KLHL5: variants seen among roughly 807,000 people sequenced by gnomAD.
KLHL5 encodes the protein kelch like family member 5.
In KLHL5, 48 loss-of-function variants were observed where a neutral mutation model predicts 77.7. The ratio of observed to expected loss-of-function variants is 0.62; its 90% CI spans 0.49 to 0.79. The LOEUF is 0.79. KLHL5 is among the 30% of genes least tolerant of loss of function. KLHL5 has a pLI of 0.00. For missense variants in KLHL5, 723 were observed against 859.7 expected (o/e 0.84, Z 1.99); for synonymous variants, 260 against 297.0 (o/e 0.88, Z 1.28).
intron 5 of KLHL5, among the ~76,000 whole-genome samples, chr4:39,087,508 C>A (rs1039430722): frequency 1.3e-5 from 2 of 152,168 alleles, no homozygotes; most frequent in Non-Finnish European, 2.9e-5. Context: ...GTAGAGATAA[C>A]ATCTTCCCTG....
chr4:39,063,482 C>A, intron 1 of KLHL5: 3 of 356,870 alleles, frequency 8.4e-6, no homozygotes, highest in South Asian at 2.2e-5. Context: ...CAAAGAGATG[C>A]ACATTATAGT....
At chr4:39,109,986 C>T (rs1398173293) in intron 8 of KLHL5, among the ~76,000 whole-genome samples, 1 of 152,152 alleles carries the variant, frequency 6.6e-6, no homozygotes. Context: ...TTTCTTCCTA[C>T]CATGTTTGAC....
chr4:39,087,417 G>C (rs116255721), intron 5 of KLHL5, among the ~76,000 whole-genome samples: 1 of 152,074 alleles, frequency 6.6e-6, no homozygotes, highest in Non-Finnish European at 1.5e-5. Context: ...GATTAACAAG[G>C]TATATTAATA....
At chr4:39,077,954 GA>G (rs902029907) in intron 2 of KLHL5, among the ~76,000 whole-genome samples, 22 of 152,264 alleles carry the variant, frequency 1.4e-4, no homozygotes, top group African/African-American at 5.1e-4. Flanking sequence ...CTATAAAAAG[GA>G]ATGAAATAAT....
intron 4 of KLHL5, 100 bp downstream of exon 4, chr4:39,082,259 C>T (rs537226060): frequency 6.4e-5 from 61 of 958,574 alleles, no homozygotes; most frequent in South Asian, 3.8e-4. Flanking sequence ...GGCTCTGCCA[C>T]GTGTCTTGCG....
intron 6 of KLHL5, among the ~76,000 whole-genome samples, chr4:39,101,885 CACACACACACATAT>C (rs1300854429): frequency 4.9e-5 from 7 of 144,132 alleles, no homozygotes; most frequent in South Asian, 4.4e-4. Flanking sequence ...TATACACACA[CACACACACACATAT>C]ACACACACAC....
chr4:39,103,877 G>A (rs11096976), intron 7 of KLHL5, among the ~76,000 whole-genome samples: 70,562 of 149,252 alleles, frequency 0.47, 17,570 homozygotes, highest in Admixed American at 0.56. Context: ...CAGCTACTCA[G>A]GAGGCTGAGG....
At chr4:39,066,590 A>G (rs2109306302) in intron 1 of KLHL5, among the ~76,000 whole-genome samples, 1 of 152,232 alleles carries the variant, frequency 6.6e-6, no homozygotes, top group East Asian at 1.9e-4. Context: ...GTCCCAATAA[A>G]CCCACAATAT....
At chr4:39,074,744 G>A (rs1405558877) in intron 1 of KLHL5, among the ~76,000 whole-genome samples, 1 of 150,908 alleles carries the variant, frequency 6.6e-6, no homozygotes. Flanking sequence ...TTTTGATAAG[G>A]TTATTATATT....
At chr4:39,086,867 G>C in intron 5 of KLHL5, 140 bp downstream of exon 5, 1 of 476,636 alleles carries the variant, frequency 2.1e-6, no homozygotes, top group Admixed American at 3.5e-5. Context: ...CAGTCCAGAA[G>C]ATCTGGCTAC....
intron 7 of KLHL5, among the ~76,000 whole-genome samples, chr4:39,107,167 C>T (rs984664135): frequency 5.9e-5 from 9 of 151,996 alleles, no homozygotes; most frequent in Admixed American, 3.3e-4. Context: ...CCTGCCTCAG[C>T]CTCCCAAGTA....
downstream of KLHL5, among the ~76,000 whole-genome samples, chr4:39,127,129 A>G (rs565559337): frequency 5.3e-4 from 80 of 152,162 alleles, no homozygotes; most frequent in South Asian, 1.0e-3. Flanking sequence ...TGAGCTCAGG[A>G]GTTCGAGACC....
intron 7 of KLHL5, among the ~76,000 whole-genome samples, chr4:39,106,418 A>G (rs1722041341): frequency 1.3e-5 from 2 of 152,142 alleles, no homozygotes; most frequent in South Asian, 4.1e-4. Flanking sequence ...TTTTATGTCT[A>G]TTTCCTGACT....
intron 6 of KLHL5, among the ~76,000 whole-genome samples, chr4:39,098,085 G>T: frequency 6.8e-6 from 1 of 147,634 alleles, no homozygotes; most frequent in Non-Finnish European, 1.5e-5. Context: ...GCAGTGAGCC[G>T]AGATTGCACC....
intron 10 of KLHL5, among the ~76,000 whole-genome samples, chr4:39,117,693 G>A (rs1423998947): frequency 6.6e-6 from 1 of 152,170 alleles, no homozygotes. Flanking sequence ...TTTCAACAGT[G>A]TAAGAAAGAA....
chr4:39,135,203 G>A, the KLHL5 span: 12 of 152,322 alleles, frequency 7.9e-5, no homozygotes, highest in Middle Eastern at 3.4e-3. Context: ...TGGGTTGAAG[G>A]AAAAGGATTT....
At chr4:39,089,168 T>C (rs376824104) in intron 5 of KLHL5, among the ~76,000 whole-genome samples, 1 of 152,240 alleles carries the variant, frequency 6.6e-6, no homozygotes, top group African/African-American at 2.4e-5. Flanking sequence ...ACTGTGGCAG[T>C]GGATATAGAT....
chr4:39,076,264 G>A, intron 2 of KLHL5, 117 bp downstream of exon 2: 1 of 841,190 alleles, frequency 1.2e-6, no homozygotes, highest in South Asian at 1.8e-5. Flanking sequence ...TGTAGTTCAT[G>A]GAATTTCCAT....
intron 1 of KLHL5, among the ~76,000 whole-genome samples, chr4:39,056,201 C>T (rs760938447): frequency 1.3e-5 from 2 of 152,196 alleles, no homozygotes; most frequent in African/African-American, 2.4e-5. Context: ...TGGTTCACTG[C>T]AGCCTCCACT....
Sources: gnomAD v4.1 joint callset for allele counts (sites outside exome capture counted in the v4.1 genomes callset) on GRCh38, gnomAD v4.1.1 for gene constraint, MANE v1.5 for transcripts, NCBI Gene and HGNC (gene_info 2026-07-23, HGNC 2026-07-21) for gene names.